The following TEKT3 variants were observed in gnomAD, a reference collection of about 807,000 sequenced individuals.
The protein encoded by TEKT3 is tektin 3, also known as tektin-3.
In TEKT3, 49 loss-of-function variants were observed where a neutral mutation model predicts 49.8. The observed-to-expected ratio is 0.98, with a 90% CI of 0.78 to 1.25. The LOEUF is 1.25. Among genes scored for constraint, TEKT3 ranks in the 50% most tolerant of loss-of-function variants. The pLI, the probability that TEKT3 is intolerant of heterozygous loss-of-function variation, is 0.00. For synonymous variants in TEKT3, 225 were observed against 237.2 expected (o/e 0.95, Z 0.47); for missense variants, 595 against 629.5 (o/e 0.95, Z 0.59).
At chr17:15,319,012 A>G (rs1391360931) in intron 5 of TEKT3, 65 bp downstream of exon 5, 15 of 1,321,874 alleles carry the variant, frequency 1.1e-5, no homozygotes, top group African/African-American at 5.9e-5. Context: ...AGAAATTTCA[A>G]TGAGGAGCAT....
Position 15,319,490 on chromosome 17 carries a change from T to A in TEKT3, c.664-343A>T, listed in dbSNP as rs1164136701. Among the ~76,000 whole-genome samples the A allele has an allele frequency of 7.9e-5, 12 of 152,192 alleles. 2 individuals carry two copies. Among genetic ancestry groups the A allele is most frequent in the Admixed American group, 7.2e-4 (11 of 15,280 alleles). ...TTCTGGTAATATACAAGGTCAAATTTAAATGCACGGCTTCTTCTATAACAG... is the reference window on the plus strand; with the variant it reads ...TTCTGGTAATATACAAGGTCAAATTAAAATGCACGGCTTCTTCTATAACAG... On this transcript the variant is annotated intron_variant, in intron 4 of 8. Coordinates refer to ENST00000395930, the MANE Select transcript of TEKT3 (RefSeq NM_031898.3).
chr17:15,331,752 CCACA>C (rs1911762906), intron 2 of TEKT3, 138 bp from the exon 3 acceptor site: 5 of 625,176 alleles, frequency 8.0e-6, no homozygotes, highest in Non-Finnish European at 1.3e-5. Context: ...CATTTGTTAT[CCACA>C]TTCACCATTG....
rs142717306 is a variant in TEKT3, at chr17:15,308,713, G to T, written c.1207C>A (p.Arg403Ser). Reference protein sequence around the residue: ...LKVAQTRLDERTRRPNIELCR... With the variant: ...LKVAQTRLDESTRRPNIELCR... The stretch of plus-strand genomic sequence containing the variant: ...AACTCAATGTTCGGCCGTCTTGTGC[G>T]CTCATCCAGTCTGGTCTGAGCCACC... The change falls in exon 8 of 9, where the codon CGC (arginine) becomes AGC (serine). Residue 403 changes from arginine (R) to serine (S), a missense_variant. Transcript: ENST00000395930. The T allele has an allele frequency of 1.9e-6, 3 of 1,613,380 alleles. No individual in the cohort carries two copies. The highest frequency in any genetic ancestry group is 2.7e-5 in the African/African-American group (2 of 74,884).
chr17:15,324,650 T>C (rs1345551825), intron 4 of TEKT3, among the ~76,000 whole-genome samples: 1 of 152,220 alleles, frequency 6.6e-6, no homozygotes, highest in Non-Finnish European at 1.5e-5. Flanking sequence ...CATATTTCAT[T>C]GTGAGATCCT....
intron 4 of TEKT3, among the ~76,000 whole-genome samples, chr17:15,321,013 A>ATTTTT (rs10695008): frequency 6.9e-6 from 1 of 145,424 alleles, no homozygotes. Flanking sequence ...TACAACAATA[A>ATTTTT]TTTTTTTTTT....
chr17:15,320,230 ATAT>A (rs1442853988), intron 4 of TEKT3, among the ~76,000 whole-genome samples: 1 of 152,168 alleles, frequency 6.6e-6, no homozygotes, highest in Non-Finnish European at 1.5e-5. Context: ...TTGCAAGCTG[ATAT>A]TATGAGTATT....
At chr17:15,336,141 C>A (rs2150754386) in intron 2 of TEKT3, among the ~76,000 whole-genome samples, 1 of 151,960 alleles carries the variant, frequency 6.6e-6, no homozygotes, top group South Asian at 2.1e-4. Context: ...TGCACACACA[C>A]AACCCCCTGC....
chr17:15,312,208 C>G, intron 7 of TEKT3, 51 bp downstream of exon 7: 1 of 1,563,044 alleles, frequency 6.4e-7, no homozygotes, highest in Non-Finnish European at 8.8e-7. Context: ...AGTCCCAGAG[C>G]ACACCGCTCT....
chr17:15,305,122 C>T (rs1910490695), intron 8 of TEKT3, among the ~76,000 whole-genome samples: 1 of 152,146 alleles, frequency 6.6e-6, no homozygotes, highest in Non-Finnish European at 1.5e-5. Context: ...GAGAGTTGCC[C>T]AAGGTCTGAA....
In TEKT3 at chr17:15,308,648, T is replaced by TC. The variant is rs1158640731; in HGVS notation, c.1256+15dup. Reference sequence around the variant, plus strand: ...GGCCCTCCGAGCGAGCCCCGAGCCTTCCCCTCCCACCTTACCGTAGCTGAG... The same window carrying TC: ...GGCCCTCCGAGCGAGCCCCGAGCCTTCCCCCTCCCACCTTACCGTAGCTGAG... On this transcript the variant is annotated intron_variant, in intron 8 of 8. Coordinates refer to ENST00000395930, the MANE Select transcript of TEKT3 (RefSeq NM_031898.3). The TC allele has an allele frequency of 1.9e-6, 3 of 1,595,880 alleles. No individual in the cohort carries two copies. The highest frequency in any genetic ancestry group is 2.2e-5 in the South Asian group (2 of 90,664).
intron 2 of TEKT3, among the ~76,000 whole-genome samples, chr17:15,332,738 A>G (rs1226590156): frequency 6.6e-6 from 1 of 152,212 alleles, no homozygotes; most frequent in Non-Finnish European, 1.5e-5. Flanking sequence ...TGTCGGACAC[A>G]TAGAAAGTGT....
Position 15,314,145 on chromosome 17 carries a change from G to T in TEKT3, c.820C>A (p.Leu274Met), listed in dbSNP as rs969616112. Residue 274 changes from leucine (L) to methionine (M), a missense_variant, in exon 6 of 9, where the codon CTG becomes ATG. Transcript: ENST00000395930. ...CCGACACCGTCTGATGTGTTGCGCA[G>T]GTGGTGGCATTTGTCGTCGATCCGG... Reference protein sequence around the residue: ...AYRIDDKCHHLRNTSDGVGYF... With the variant: ...AYRIDDKCHHMRNTSDGVGYF... 2 of 1,614,234 alleles carry T rather than the reference G, an allele frequency of 1.2e-6. No homozygotes were observed. Among genetic ancestry groups the T allele is most frequent in the Non-Finnish European group, 1.7e-6 (2 of 1,180,044 alleles).
intron 4 of TEKT3, among the ~76,000 whole-genome samples, chr17:15,321,040 T>C (rs1911230869): frequency 6.6e-6 from 1 of 151,332 alleles, no homozygotes; most frequent in African/African-American, 2.4e-5. Context: ...GATGGAGTCT[T>C]GCTCTATCTC....
At chr17:15,328,351 A>T (rs924997429) in intron 3 of TEKT3, among the ~76,000 whole-genome samples, 4 of 152,214 alleles carry the variant, frequency 2.6e-5, no homozygotes, top group Non-Finnish European at 4.4e-5. Context: ...GATCCCCGCA[A>T]ATTAGCATTT....
At position 15,303,979 on chromosome 17, in the gene TEKT3, C is replaced by T. The variant is rs763618773; in HGVS notation, c.1430G>A (p.Arg477His). The change falls in exon 9 of 9, where the codon CGC becomes CAC. Residue 477 changes from arginine to histidine, a missense_variant. Coordinates refer to ENST00000395930, the MANE Select transcript of TEKT3 (RefSeq NM_031898.3). ...CCGGAGGGTGTTGGGGTAGCTCTTG[C>T]GCATGCTCATGCATTTTTCCTGGTC... The part of the protein sequence containing the change: ...YIDQEKCMSM[R>H]KSYPNTLRLV... 2.5e-6 allele frequency: 4 copies of T among 1,614,124 alleles called. No individual in the cohort carries two copies. The highest frequency in any genetic ancestry group is 2.2e-5 in the East Asian group (1 of 44,864).
At position 15,306,111 on chromosome 17, in the gene TEKT3, G is replaced by A. The variant is rs1289024536; in HGVS notation, c.1257-1959C>T. Among the ~76,000 whole-genome samples, 16 of 151,518 alleles carry A rather than the reference G, an allele frequency of 1.1e-4. No homozygotes were observed. In the South Asian group the frequency reaches 1.7e-3, roughly 16 times the overall value. On this transcript the variant is annotated intron_variant, in intron 8 of 8. Transcript: ENST00000395930. ...TATATGTGTGTGTGTGTGTGTGTGT[G>A]TGTGTGTGTGTGTGTGTGCATATAT...
At chr17:15,338,887 GC>G (rs778927785) in intron 2 of TEKT3, among the ~76,000 whole-genome samples, 1 of 152,028 alleles carries the variant, frequency 6.6e-6, no homozygotes, top group Non-Finnish European at 1.5e-5. Context: ...TCTCATACTT[GC>G]AAAGAAACAG....
In TEKT3 at chr17:15,331,454, A is replaced by G; in HGVS notation, c.132T>C (p.His44=). ...RDRFPHSNLT[H]SLSLPWRPST... is the part of the protein sequence containing the mutation. ...TGGGTCTCCAAGGAAGGCTCAGGCTATGGGTCAAATTGGAGTGGGGAAAGC... is the reference window on the plus strand; with the variant it reads ...TGGGTCTCCAAGGAAGGCTCAGGCTGTGGGTCAAATTGGAGTGGGGAAAGC... The change falls in exon 3 of 9, where the codon CAT becomes CAC. Residue 44 remains histidine (H), a synonymous_variant. Coordinates refer to ENST00000395930, the MANE Select transcript of TEKT3 (RefSeq NM_031898.3). The G allele has an allele frequency of 1.9e-6, 3 of 1,614,030 alleles. No individual in the cohort carries two copies. The highest frequency in any genetic ancestry group is 2.5e-6 in the Non-Finnish European group (3 of 1,179,996).
At chr17:15,319,860 A>G (rs1311147290) in intron 4 of TEKT3, among the ~76,000 whole-genome samples, 1 of 152,222 alleles carries the variant, frequency 6.6e-6, no homozygotes, top group Non-Finnish European at 1.5e-5. Context: ...CACATTATGT[A>G]TGCACATTAG....
Sources: allele counts gnomAD v4.1 joint callset (sites outside exome capture counted in the v4.1 genomes callset), GRCh38; gene constraint gnomAD v4.1.1; transcripts MANE v1.5; gene names NCBI Gene and HGNC (gene_info 2026-07-23, HGNC 2026-07-21).